The following CDH4 variants were observed in gnomAD, a reference collection of about 807,000 sequenced individuals.
CDH4 encodes the protein cadherin-4.
Under a neutral mutation model 86.0 loss-of-function variants are expected in CDH4, and 33 were observed. The ratio of observed to expected loss-of-function variants is 0.38; its 90% CI spans 0.29 to 0.51. The LOEUF (loss-of-function observed/expected upper bound fraction) is 0.51. Among genes scored for constraint, CDH4 ranks in the 20% least tolerant of loss-of-function variants. The pLI is 0.86. For missense variants in CDH4, 1,114 were observed against 1,307.4 expected, an observed-to-expected ratio of 0.85 and a Z score of 2.28; for synonymous variants, 555 against 549.4, an observed-to-expected ratio of 1.01 and a Z score of -0.14.
intron 2 of CDH4, among the ~76,000 whole-genome samples, chr20:61,495,131 G>A (rs922343390): frequency 6.6e-6 from 1 of 152,238 alleles, no homozygotes; most frequent in East Asian, 1.9e-4. Context: ...TGTAGGAGCC[G>A]ATGCTATTTG....
chr20:61,271,811 G>C (rs2084184939), intron 2 of CDH4, among the ~76,000 whole-genome samples: 1 of 152,196 alleles, frequency 6.6e-6, no homozygotes, highest in African/African-American at 2.4e-5. Context: ...ATGGAAAGAT[G>C]AAAACGAGGT....
chr20:61,319,099 G>A (rs1377563831), intron 2 of CDH4, among the ~76,000 whole-genome samples: 2 of 152,108 alleles, frequency 1.3e-5, no homozygotes, highest in African/African-American at 2.4e-5. Context: ...TGCCAAAGAC[G>A]CTCACCTCAT....
chr20:61,592,268 A>C (rs1222869120), intron 2 of CDH4, among the ~76,000 whole-genome samples: 1 of 152,176 alleles, frequency 6.6e-6, no homozygotes, highest in African/African-American at 2.4e-5. Context: ...CACCACTTCT[A>C]CTTCACTAAG....
At chr20:61,498,125 G>A (rs1274427573) in intron 2 of CDH4, among the ~76,000 whole-genome samples, 1 of 151,604 alleles carries the variant, frequency 6.6e-6, no homozygotes, top group Admixed American at 6.6e-5. Context: ...GTTAATGGGT[G>A]CAGCACACCA....
chr20:61,366,501 G>A (rs933512334), intron 2 of CDH4, among the ~76,000 whole-genome samples: 4 of 152,178 alleles, frequency 2.6e-5, no homozygotes, highest in Admixed American at 6.5e-5. Flanking sequence ...TGACAGCCCC[G>A]AACAGAGATT....
chr20:61,561,931 A>G (rs565777659), intron 2 of CDH4, among the ~76,000 whole-genome samples: 1 of 152,294 alleles, frequency 6.6e-6, no homozygotes, highest in Non-Finnish European at 1.5e-5. Flanking sequence ...GATGGCAGTA[A>G]TGCTGTGTCT....
intron 2 of CDH4, among the ~76,000 whole-genome samples, chr20:61,386,702 A>G (rs1038643400): frequency 1.3e-5 from 2 of 152,220 alleles, no homozygotes; most frequent in African/African-American, 2.4e-5. Flanking sequence ...GGATTGTTTC[A>G]GGGTTAAGCA....
intron 2 of CDH4, among the ~76,000 whole-genome samples, chr20:61,678,216 C>G (rs113591817): frequency 0.029 from 4,427 of 151,822 alleles, 182 homozygotes; most frequent in African/African-American, 0.089. Flanking sequence ...CACACATACA[C>G]AGATGACAGA....
At chr20:61,606,467 G>A (rs999912543) in intron 2 of CDH4, among the ~76,000 whole-genome samples, 13 of 152,322 alleles carry the variant, frequency 8.5e-5, no homozygotes, top group East Asian at 1.9e-4. Context: ...CACCTCTGTC[G>A]CAAAGCCTGA....
intron 2 of CDH4, among the ~76,000 whole-genome samples, chr20:61,539,862 G>C (rs1464856612): frequency 6.6e-6 from 1 of 152,222 alleles, no homozygotes; most frequent in Non-Finnish European, 1.5e-5. Flanking sequence ...CTCTCCAGAG[G>C]GTCTTGCCGA....
chr20:61,581,684 G>A (rs905324278), intron 2 of CDH4, among the ~76,000 whole-genome samples: 1 of 152,164 alleles, frequency 6.6e-6, no homozygotes, highest in Non-Finnish European at 1.5e-5. Flanking sequence ...CCGTGACCCA[G>A]GGTAATCTCC....
intron 2 of CDH4, among the ~76,000 whole-genome samples, chr20:61,706,320 G>A (rs377359854): frequency 2.5e-4 from 38 of 152,040 alleles, no homozygotes; most frequent in Non-Finnish European, 4.0e-4. Context: ...GGGCCGGGGG[G>A]GATGAGAGAC....
At chr20:61,748,430 A>T (rs183226804) in intron 3 of CDH4, among the ~76,000 whole-genome samples, 1 of 152,358 alleles carries the variant, frequency 6.6e-6, no homozygotes, top group East Asian at 1.9e-4. Context: ...ATAGAATTCT[A>T]TCATCCAGTA....
At chr20:61,697,376 G>C (rs1016655982) in intron 2 of CDH4, among the ~76,000 whole-genome samples, 2 of 152,142 alleles carry the variant, frequency 1.3e-5, no homozygotes, top group Admixed American at 1.3e-4. Context: ...GAGGCGGGTG[G>C]ATCACAAGGT....
At chr20:61,435,834 G>A (rs73318341) in intron 2 of CDH4, 11,202 of 152,342 alleles carry the variant, frequency 0.074, 678 homozygotes, top group African/African-American at 0.16. Flanking sequence ...TGGGGGTAAA[G>A]ACACCAGCTG....
chr20:61,358,842 C>T (rs548483483), intron 2 of CDH4, among the ~76,000 whole-genome samples: 3 of 152,266 alleles, frequency 2.0e-5, no homozygotes, highest in East Asian at 1.9e-4. Context: ...CCACGGAAAC[C>T]GTTCCCTCTA....
chr20:61,552,527 C>T (rs1374414232), intron 2 of CDH4, among the ~76,000 whole-genome samples: 1 of 152,110 alleles, frequency 6.6e-6, no homozygotes, highest in Admixed American at 6.6e-5. Flanking sequence ...TAGTGAAACC[C>T]CATCTCTACT....
chr20:61,592,411 C>G (rs116917606), intron 2 of CDH4, among the ~76,000 whole-genome samples: 116 of 152,236 alleles, frequency 7.6e-4, no homozygotes, highest in Middle Eastern at 6.8e-3. Flanking sequence ...AAAGTAGCCA[C>G]CGTGAAAATG....
intron 4 of CDH4, among the ~76,000 whole-genome samples, chr20:61,831,167 C>A (rs564284278): frequency 6.6e-6 from 1 of 152,204 alleles, no homozygotes; most frequent in African/African-American, 2.4e-5. Flanking sequence ...GTAGACCAGG[C>A]GGCCAAAGCT....
Sources: allele counts gnomAD v4.1 joint callset (sites outside exome capture counted in the v4.1 genomes callset), GRCh38; gene constraint gnomAD v4.1.1; transcripts MANE v1.5; gene names NCBI Gene and HGNC (gene_info 2026-07-23, HGNC 2026-07-21).